Variants in ZSCAN2 observed in about 807,000 individuals in gnomAD.
The protein encoded by ZSCAN2 is zinc finger and SCAN domain-containing protein 2.
ZSCAN2 carries 26 observed loss-of-function variants against 47.8 expected under a neutral mutation model. The observed-to-expected ratio is 0.54, with a 90% CI of 0.40 to 0.75. ZSCAN2 has a LOEUF of 0.75. Among genes scored for constraint, ZSCAN2 ranks in the 30% least tolerant of loss-of-function variants. The pLI, the probability that ZSCAN2 is intolerant of heterozygous loss-of-function variation, is 0.00. For synonymous variants in ZSCAN2, 305 were observed against 288.7 expected (o/e 1.06, Z -0.57); for missense variants, 732 against 785.4 (o/e 0.93, Z 0.81).
intron 2 of ZSCAN2, among the ~76,000 whole-genome samples, chr15:84,614,255 G>C (rs946473996): frequency 6.6e-6 from 1 of 152,034 alleles, no homozygotes; most frequent in Non-Finnish European, 1.5e-5. Flanking sequence ...GCCATCCAAA[G>C]TGCTGGGATT....
Position 84,621,864 on chromosome 15 carries a change from C to G in ZSCAN2, c.1669C>G (p.Pro557Ala). Residue 557 changes from proline (P) to alanine (A), a missense_variant, in exon 3 of 3, where the codon CCC (proline) becomes GCC (alanine). Transcript: ENST00000546148. The surrounding 1 kb of genome is among the most constrained non-coding windows in gnomAD (Gnocchi z 5.7). Reference sequence around the variant, plus strand: ...CCAGAGAGCCCATTTGGGAGACAAGCCCTACAGGTGCCCTGAGTGTGGGAA... The same window carrying G: ...CCAGAGAGCCCATTTGGGAGACAAGGCCTACAGGTGCCCTGAGTGTGGGAA... ...MHQRAHLGDKPYRCPECGKGF... is the reference protein window; with the variant it reads ...MHQRAHLGDKAYRCPECGKGF... The G allele has an allele frequency of 6.2e-7, 1 of 1,614,214 alleles. No individual in the cohort carries two copies. The highest frequency in any genetic ancestry group is 8.5e-7 in the Non-Finnish European group (1 of 1,180,038).
At position 84,604,104 on chromosome 15, in the gene ZSCAN2, T is replaced by A; in HGVS notation, c.177T>A (p.Ser59Arg). The part of the protein sequence containing the change: ...DGPESEPFPQ[S>R]AGKGGPQEEV... ...CTGAGTCTGAGCCCTTTCCCCAGAG[T>A]GCTGGCAAGGGCGGCCCCCAGGAGG... Residue 59 changes from serine (S) to arginine (R), a missense_variant, in exon 2 of 3, where the codon AGT (serine) becomes AGA (arginine). Physicochemically the swap from Ser to Arg is moderately radical, Grantham distance 110 (BLOSUM62 -1). Coordinates refer to ENST00000546148, the MANE Select transcript of ZSCAN2 (RefSeq NM_181877.4). The A allele has an allele frequency of 1.9e-6, 3 of 1,613,320 alleles. No individual in the cohort carries two copies. The highest frequency in any genetic ancestry group is 2.5e-6 in the Non-Finnish European group (3 of 1,179,774).
chr15:84,612,277 A>T (rs1025247106), intron 2 of ZSCAN2: 15 of 152,368 alleles, frequency 9.8e-5, no homozygotes, highest in African/African-American at 3.1e-4. Context: ...CAACTTGTGA[A>T]GAACTGCCAA....
At chr15:84,603,368 C>CTTTTT (rs530895051) in intron 1 of ZSCAN2, among the ~76,000 whole-genome samples, 1 of 135,784 alleles carries the variant, frequency 7.4e-6, no homozygotes, top group Non-Finnish European at 1.6e-5. Flanking sequence ...GCTTGGGATA[C>CTTTTT]TTTTTTTTTT....
chr15:84,619,460 C>G (rs1895768693), intron 2 of ZSCAN2, among the ~76,000 whole-genome samples: 1 of 152,074 alleles, frequency 6.6e-6, no homozygotes, highest in African/African-American at 2.4e-5. Context: ...TTCATAAGCT[C>G]CCACTGCAGA....
intron 1 of ZSCAN2, 150 bp from the exon 2 acceptor site, chr15:84,603,670 G>A (rs1375973390): frequency 7.7e-6 from 3 of 389,514 alleles, no homozygotes; most frequent in South Asian, 4.2e-5. Flanking sequence ...ATGTTTTCAG[G>A]AATAAGCCAT....
chr15:84,604,883 G>A (rs1895333179), intron 2 of ZSCAN2, among the ~76,000 whole-genome samples: 1 of 151,772 alleles, frequency 6.6e-6, no homozygotes, highest in Non-Finnish European at 1.5e-5. Context: ...AATTACAGGC[G>A]TGCGCCACCA....
intron 2 of ZSCAN2, among the ~76,000 whole-genome samples, chr15:84,616,131 G>C (rs2141788849): frequency 6.6e-6 from 1 of 152,262 alleles, no homozygotes; most frequent in Middle Eastern, 3.4e-3. Flanking sequence ...CAGCTTGTCA[G>C]GAGGCTGAGG....
At chr15:84,610,245 TC>T (rs1465418559) in intron 2 of ZSCAN2, among the ~76,000 whole-genome samples, 3 of 152,120 alleles carry the variant, frequency 2.0e-5, no homozygotes, top group Non-Finnish European at 4.4e-5. Flanking sequence ...AAGAAATAGA[TC>T]CCTGCTTTAC....
At chr15:84,603,722 A>G (rs1190039641) in intron 1 of ZSCAN2, 98 bp from the exon 2 acceptor site, 3 of 527,954 alleles carry the variant, frequency 5.7e-6, no homozygotes, top group Non-Finnish European at 9.9e-6. Flanking sequence ...TGGTTTGCAT[A>G]TGTAAGGGCC....
chr15:84,604,639 C>T (rs1895320400), intron 2 of ZSCAN2, among the ~76,000 whole-genome samples: 1 of 152,084 alleles, frequency 6.6e-6, no homozygotes, highest in Non-Finnish European at 1.5e-5. Flanking sequence ...AGATGGAGAC[C>T]CCTGGCACCT....
At chr15:84,608,607 G>A (rs1443078351) in intron 2 of ZSCAN2, among the ~76,000 whole-genome samples, 1 of 151,356 alleles carries the variant, frequency 6.6e-6, no homozygotes, top group Non-Finnish European at 1.5e-5. Context: ...TCCAATTTGA[G>A]AACCTCTGCA....
chr15:84,620,918 G>A lies in ZSCAN2; in HGVS notation c.723G>A (p.Glu241=). ...FSRKSHLITH[E]RTHTGEKYYK... ...GGAAATCCCACCTCATCACACACGA[G>A]AGGACCCACACAGGAGAGAAATACT... Residue 241 remains glutamate, a synonymous_variant, in exon 3 of 3, where the codon GAG becomes GAA. Coordinates refer to ENST00000546148, the MANE Select transcript of ZSCAN2 (RefSeq NM_181877.4). 1.2e-6 allele frequency: 2 copies of A among 1,614,196 alleles called. No homozygotes were observed. The highest frequency in any genetic ancestry group is 8.5e-7 in the Non-Finnish European group (1 of 1,180,032).
At chr15:84,616,374 T>C in intron 2 of ZSCAN2, 1 of 1,610,276 alleles carries the variant, frequency 6.2e-7, no homozygotes, top group Non-Finnish European at 8.5e-7. Context: ...CCTTTGCCTC[T>C]CTGAACCAAA....
In ZSCAN2 at chr15:84,604,191, G is replaced by GAGACCAGAGGTAC; in HGVS notation, c.266_278dup (p.His93GlnfsTer28). The stretch of plus-strand genomic sequence containing the variant: ...TCCGAGAGCTCTGCCGGCGCTGGCT[G>GAGACCAGAGGTAC]AGACCAGAGGTACACACCAAGGAGC... On this transcript the variant is annotated frameshift_variant, in exon 2 of 3. Transcript: ENST00000546148. LOFTEE classifies it high-confidence loss of function. 6.2e-7 allele frequency: 1 copy of GAGACCAGAGGTAC among 1,613,814 alleles called. No individual in the cohort carries two copies. Among genetic ancestry groups the GAGACCAGAGGTAC allele is most frequent in the Non-Finnish European group, 8.5e-7 (1 of 1,179,908 alleles).
rs1162926695 is a variant in ZSCAN2 at position 84,620,954 on chromosome 15, T to C, written c.759T>C (p.Asp253=). The change falls in exon 3 of 3, where the codon GAT becomes GAC. Residue 253 remains aspartate (D), a synonymous_variant. Coordinates refer to ENST00000546148, the MANE Select transcript of ZSCAN2 (RefSeq NM_181877.4). ...CAGGAGAGAAATACTACAAATGTGATGAATGTGGAAAAAGCTTTAGTGATG... is the reference window on the plus strand; with the variant it reads ...CAGGAGAGAAATACTACAAATGTGACGAATGTGGAAAAAGCTTTAGTGATG... The part of the protein sequence containing the change: ...THTGEKYYKC[D]ECGKSFSDGS... The C allele has an allele frequency of 6.2e-7, 1 of 1,612,226 alleles. No individual in the cohort carries two copies. The highest frequency in any genetic ancestry group is 8.5e-7 in the Non-Finnish European group (1 of 1,179,456).
chr15:84,616,479 A>G, intron 2 of ZSCAN2: 3 of 1,428,676 alleles, frequency 2.1e-6, no homozygotes, highest in Non-Finnish European at 1.8e-6. Flanking sequence ...AGGGCTCTCC[A>G]TGCTTATTCA....
At chr15:84,616,179 G>A (rs1043531579) in intron 2 of ZSCAN2, 21 of 614,136 alleles carry the variant, frequency 3.4e-5, no homozygotes, top group Admixed American at 3.1e-4. Flanking sequence ...AGAGGTTGCA[G>A]TGAGCCAAGA....
At position 84,622,353 on chromosome 15, in the gene ZSCAN2, GA is replaced by G. The variant is rs916895797; in HGVS notation, c.*316del. 1 of 576,152 alleles carries G rather than the reference GA, an allele frequency of 1.7e-6. No homozygotes were observed. The highest frequency in any genetic ancestry group is 1.9e-5 in the African/African-American group (1 of 52,872). The allele number at this position is 576,152 out of a possible 1,614,324, so 35.7% of individuals were successfully genotyped here. ...AGTTTCCTCTTTGGTAAAATGGGGG[GA>G]AATGTTTCTCCATGTGGAATGGAAG... On this transcript the variant is annotated 3_prime_UTR_variant, in exon 3 of 3. Transcript: ENST00000546148.
Sources: gnomAD v4.1 joint callset for allele counts (sites outside exome capture counted in the v4.1 genomes callset) on GRCh38, gnomAD v4.1.1 for gene constraint, Gnocchi (gnomAD v3.1) non-coding constraint, MANE v1.5 for transcripts, NCBI Gene and HGNC (gene_info 2026-07-23, HGNC 2026-07-21) for gene names.